The following CLCN7 variants were observed in gnomAD, a reference collection of about 807,000 sequenced individuals.
The protein encoded by CLCN7 is Cl-/H+ antiporter 7, also known as H(+)/Cl(-) exchange transporter 7.
A neutral mutation model predicts 102.1 loss-of-function variants in CLCN7; 60 were observed. That is an observed-to-expected ratio of 0.59 (90% CI 0.48 to 0.73). CLCN7 has a LOEUF of 0.73. Ranked by LOEUF, CLCN7 falls within the 30% of genes least tolerant of loss-of-function variation. The probability of loss-of-function intolerance (pLI) is 0.00; values close to 1 mark genes in which losing one functional copy is unlikely to be tolerated. For missense variants in CLCN7, 962 were observed against 1,125.7 expected, an observed-to-expected ratio of 0.85 and a Z score of 2.08; for synonymous variants, 560 against 490.5, an observed-to-expected ratio of 1.14 and a Z score of -1.87.
rs1185466223 is a variant in CLCN7, at chr16:1,475,019, C to A, written c.-45G>T. The A allele has an allele frequency of 1.1e-5, 15 of 1,401,706 alleles. No homozygotes were observed. The highest frequency in any genetic ancestry group is 3.8e-4 in the Middle Eastern group (2 of 5,208). 86.8% of individuals were successfully genotyped at this position (1,401,706 alleles called of 1,614,324 possible). ...CCGGCCGGGAAGCGCCGGCTGCCCC[C>A]GTGTTTGTTCTCGTGACCCGCGCCG... On this transcript the variant is annotated 5_prime_UTR_variant, in exon 1 of 25. Coordinates refer to ENST00000382745, the MANE Select transcript of CLCN7 (RefSeq NM_001287.6).
rs780744428 is a variant in CLCN7, at chr16:1,461,587, A to T, written c.285+16T>A. On this transcript the variant is annotated intron_variant, in intron 3 of 24. Coordinates refer to ENST00000382745, the MANE Select transcript of CLCN7 (RefSeq NM_001287.6). ...GAGGCCGGGTCTCAGGGTCAGGGGGACAGAAGGACGCCCACCTCATACTTG... is the reference window on the plus strand; with the variant it reads ...GAGGCCGGGTCTCAGGGTCAGGGGGTCAGAAGGACGCCCACCTCATACTTG... 1 of 1,613,068 alleles carries T rather than the reference A, an allele frequency of 6.2e-7. No homozygotes were observed. Among genetic ancestry groups the T allele is most frequent in the East Asian group, 2.2e-5 (1 of 44,864 alleles).
chr16:1,465,762 C>T (rs2038997057), intron 1 of CLCN7, among the ~76,000 whole-genome samples: 1 of 152,228 alleles, frequency 6.6e-6, no homozygotes, highest in Admixed American at 6.5e-5. Context: ...TCCACTGCAG[C>T]CTCTCTGGGT....
rs12926089 is a variant in CLCN7 at position 1,452,856 on chromosome 16, C to T, written c.1252G>A (p.Val418Met). Reference protein sequence around the residue: ...HRPCLQVIEAVLVAAVTATVA... With the variant: ...HRPCLQVIEAMLVAAVTATVA... Reference sequence around the variant, plus strand: ...GTGGCCGTGACGGCGGCCACCAGCACGGCCTCAATCACCTGCAGGCAGGGC... The same window carrying T: ...GTGGCCGTGACGGCGGCCACCAGCATGGCCTCAATCACCTGCAGGCAGGGC... The change falls in exon 15 of 25, where the codon GTG becomes ATG. Residue 418 changes from valine to methionine, a missense_variant. Around this residue, in one of 2 missense-constraint regions of CLCN7, gnomAD observed 799 missense variants for 988.0 expected, o/e 0.81. Transcript: ENST00000382745. The T allele has an allele frequency of 0.1, 160,087 of 1,579,520 alleles. 9,189 individuals are homozygous for T. The highest frequency in any genetic ancestry group is 0.17 in the African/African-American group (12,396 of 74,006).
chr16:1,448,851 GC>G, intron 19 of CLCN7, 85 bp from the exon 20 acceptor site: 1 of 1,593,916 alleles, frequency 6.3e-7, no homozygotes, highest in Non-Finnish European at 8.5e-7. Flanking sequence ...CCCAGAGGCC[GC>G]CCCCAGAAAC....
chr16:1,450,489 CCA>C lies in CLCN7; in HGVS notation c.1617+6_1617+7del, dbSNP rs1428428810. The C allele has an allele frequency of 3.1e-6, 5 of 1,592,884 alleles. No individual in the cohort carries two copies. The highest frequency in any genetic ancestry group is 1.3e-5 in the African/African-American group (1 of 74,674). ...GGGCCCCACAGCCTCCCCTCCGGCCCCACTCACCGCCGCCCCCGTGAGGTAGG... is the reference window on the plus strand; with the variant it reads ...GGGCCCCACAGCCTCCCCTCCGGCCCCTCACCGCCGCCCCCGTGAGGTAGG... On this transcript the variant is annotated splice_donor_region_variant and intron_variant, in intron 17 of 24. Transcript: ENST00000382745.
chr16:1,471,508 C>T (rs1316215095), intron 1 of CLCN7: 1 of 152,366 alleles, frequency 6.6e-6, no homozygotes, highest in Middle Eastern at 3.4e-3. Context: ...CAGACCCTCC[C>T]CCAGAAAAGC....
chr16:1,463,703 C>T (rs1263013437), intron 2 of CLCN7, among the ~76,000 whole-genome samples: 2 of 151,534 alleles, frequency 1.3e-5, no homozygotes, highest in Admixed American at 1.3e-4. Context: ...AGGCTGATCT[C>T]CAAATCCTGG....
rs570526142 is a variant in CLCN7, at chr16:1,470,460, C to T, written c.141+4374G>A. Reference sequence around the variant, plus strand: ...ACGCTAGGCACAGAGGATACAGCAGCTGCCCCGCGGGGGGATGGGGGTTAC... The same window carrying T: ...ACGCTAGGCACAGAGGATACAGCAGTTGCCCCGCGGGGGGATGGGGGTTAC... On this transcript the variant is annotated intron_variant, in intron 1 of 24. Coordinates refer to ENST00000382745, the MANE Select transcript of CLCN7 (RefSeq NM_001287.6). Among the ~76,000 whole-genome samples, 5 of 152,332 alleles carry T rather than the reference C, an allele frequency of 3.3e-5. No individual in the cohort carries two copies. In the East Asian group the frequency reaches 9.6e-4, roughly 29 times the overall value.
Position 1,455,202 on chromosome 16 carries a change from T to C in CLCN7, c.1030A>G (p.Ile344Val). The C allele has an allele frequency of 1.2e-6, 2 of 1,613,830 alleles. No individual in the cohort carries two copies. The highest frequency in any genetic ancestry group is 1.7e-6 in the Non-Finnish European group (2 of 1,179,892). ...AGGTCCCACATGTTCCCGTGGTAAA[T>C]GCTCAGAACAAAATTCAGGGTGAAC... ...STFTLNFVLS[I>V]YHGNMWDLSS... is the part of the protein sequence containing the mutation. The change falls in exon 12 of 25, where the codon ATT (isoleucine) becomes GTT (valine). Residue 344 changes from isoleucine to valine, a missense_variant. Physicochemically the swap from Ile to Val is conservative, Grantham distance 29 (BLOSUM62 3). Coordinates refer to ENST00000382745, the MANE Select transcript of CLCN7 (RefSeq NM_001287.6).
intron 16 of CLCN7, 70 bp from the exon 17 acceptor site, chr16:1,450,736 C>G (rs2038735478): frequency 8.2e-7 from 1 of 1,221,170 alleles, no homozygotes; most frequent in Non-Finnish European, 1.1e-6. Context: ...GCCCCGCTGC[C>G]CAGTCTCGGG....
rs113857914 is a variant in CLCN7 at position 1,447,084 on chromosome 16, C to T, written c.2253G>A (p.Glu751=). The T allele has an allele frequency of 2.6e-5, 41 of 1,595,902 alleles. No individual in the cohort carries two copies. The Middle Eastern group carries it at 8.3e-4, about 32-fold the overall frequency. Residue 751 remains glutamate, a splice_region_variant and synonymous_variant, in exon 24 of 25, where the codon GAG becomes GAA. Coordinates refer to ENST00000382745, the MANE Select transcript of CLCN7 (RefSeq NM_001287.6). ...MNPSPYTVPQ[E]ASLPRVFKLF... Reference sequence around the variant, plus strand: ...GCTTGAACACCCGTGGGAGCGACGCCTCCTGCAGCAGGGGCACAGCTGTCA... The same window carrying T: ...GCTTGAACACCCGTGGGAGCGACGCTTCCTGCAGCAGGGGCACAGCTGTCA...
rs780794583 is a variant in CLCN7, at chr16:1,450,566, C to T, written c.1548G>A (p.Pro516=). 8.0e-5 allele frequency: 129 copies of T among 1,611,990 alleles called. No individual in the cohort carries two copies. Among genetic ancestry groups the T allele is most frequent in the Admixed American group, 6.2e-4 (37 of 59,904 alleles). Residue 516 remains proline (P), a synonymous_variant, in exon 17 of 25, where the codon CCG becomes CCA. Coordinates refer to ENST00000382745, the MANE Select transcript of CLCN7 (RefSeq NM_001287.6). ...CCCAGGCAGCCCCGATGAGCAGGGA[C>T]GGGATGAAGACCCCGGCAGACACCG... ...GLTVSAGVFI[P]SLLIGAAWGR...
chr16:1,450,734 G>T, intron 16 of CLCN7, 68 bp from the exon 17 acceptor site: 3 of 1,362,260 alleles, frequency 2.2e-6, no homozygotes, highest in South Asian at 1.4e-5. Flanking sequence ...CTGCCCCGCT[G>T]CCCAGTCTCG....
rs541996980 is a variant in CLCN7, at chr16:1,461,850, C to T, written c.214-176G>A. Among the ~76,000 whole-genome samples the T allele has an allele frequency of 8.3e-4, 126 of 151,758 alleles. 1 individual carries two copies. The highest frequency in any genetic ancestry group is 2.9e-3 in the African/African-American group (120 of 41,338). On this transcript the variant is annotated intron_variant, in intron 2 of 24. Transcript: ENST00000382745. ...CTACAATCCCAGCACTTTGGGAGGC[C>T]GAGGCAAGTGGACCAGCTGCGGTCA...
intron 12 of CLCN7, among the ~76,000 whole-genome samples, chr16:1,454,929 C>T (rs1228327508): frequency 6.6e-6 from 1 of 152,236 alleles, no homozygotes; most frequent in Non-Finnish European, 1.5e-5. Context: ...AGGTGCCCTG[C>T]TGGTCACATG....
At chr16:1,465,907 G>A (rs867697517) in intron 1 of CLCN7, among the ~76,000 whole-genome samples, 6 of 152,352 alleles carry the variant, frequency 3.9e-5, no homozygotes, top group Middle Eastern at 3.4e-3. Context: ...GCAGGGCAGC[G>A]GGCCCTGGGT....
intron 1 of CLCN7, among the ~76,000 whole-genome samples, chr16:1,473,702 G>A (rs1245324781): frequency 6.6e-6 from 1 of 151,910 alleles, no homozygotes; most frequent in African/African-American, 2.4e-5. Flanking sequence ...CACAAGACAA[G>A]TGTTTAAAGG....
rs778996394 is a variant in CLCN7 at position 1,447,723 on chromosome 16, C to A, written c.2014-9G>T. ...CCCTGGAGCCGGGCAGGCTGCAAGA[C>A]AGGCCCGCGGTCAGGGCCACGGGCC... On this transcript the variant is annotated splice_polypyrimidine_tract_variant and intron_variant, in intron 21 of 24. Transcript: ENST00000382745. 6.4e-7 allele frequency: 1 copy of A among 1,550,730 alleles called. No homozygotes were observed. The highest frequency in any genetic ancestry group is 8.7e-7 in the Non-Finnish European group (1 of 1,147,374).
At position 1,452,855 on chromosome 16, in the gene CLCN7, A is replaced by G. The variant is rs2038774835; in HGVS notation, c.1253T>C (p.Val418Ala). ...TGTGGCCGTGACGGCGGCCACCAGC[A>G]CGGCCTCAATCACCTGCAGGCAGGG... Reference protein sequence around the residue: ...HRPCLQVIEAVLVAAVTATVA... With the variant: ...HRPCLQVIEAALVAAVTATVA... The change falls in exon 15 of 25, where the codon GTG becomes GCG. Residue 418 changes from valine (V) to alanine (A), a missense_variant. Val to Ala is a moderately conservative substitution (Grantham distance 64, BLOSUM62 0). Coordinates refer to ENST00000382745, the MANE Select transcript of CLCN7 (RefSeq NM_001287.6). The G allele has an allele frequency of 6.3e-7, 1 of 1,581,286 alleles. No homozygotes were observed. Among genetic ancestry groups the G allele is most frequent in the Non-Finnish European group, 8.6e-7 (1 of 1,163,924 alleles).
Sources: gnomAD v4.1 joint callset for allele counts (sites outside exome capture counted in the v4.1 genomes callset) on GRCh38, gnomAD v4.1.1 for gene constraint, gnomAD v4.1.1 regional missense constraint, MANE v1.5 for transcripts, NCBI Gene and HGNC (gene_info 2026-07-23, HGNC 2026-07-21) for gene names.